The following KLHDC4 variants were observed in gnomAD, a reference collection of about 807,000 sequenced individuals.
KLHDC4 encodes kelch domain-containing protein 4.
A neutral mutation model predicts 62.4 loss-of-function variants in KLHDC4; 90 were observed. The ratio of observed to expected loss-of-function variants is 1.44; its 90% confidence interval spans 1.22 to 1.72. The LOEUF (loss-of-function observed/expected upper bound fraction) is 1.72, where lower values mean the gene tolerates loss of function less well. KLHDC4 is among the 40% of genes most tolerant of loss of function. KLHDC4 has a pLI of 0.00. For synonymous variants in KLHDC4, 386 were observed against 284.4 expected (o/e 1.36, Z -3.59); for missense variants, 1,025 against 699.7 (o/e 1.47, Z -5.25).
chr16:87,714,696 A>T, intron 7 of KLHDC4, 123 bp from the exon 8 acceptor site: 1 of 981,608 alleles, frequency 1.0e-6, no homozygotes, highest in Non-Finnish European at 1.6e-6. Context: ...GACCAGCCCC[A>T]AAGCTCCAAA....
intron 7 of KLHDC4, among the ~76,000 whole-genome samples, chr16:87,722,724 C>T (rs182312102): frequency 6.2e-4 from 94 of 152,334 alleles, no homozygotes; most frequent in African/African-American, 2.2e-3. Flanking sequence ...CATGGGGGTT[C>T]TGCATAGAGG....
intron 8 of KLHDC4, 34 bp from the exon 9 acceptor site, chr16:87,711,477 C>G (rs996030272): frequency 3.2e-6 from 5 of 1,570,008 alleles, no homozygotes; most frequent in Middle Eastern, 3.6e-4. Context: ...GGGATAAGAA[C>G]ACAAGGAAGG....
chr16:87,702,270 G>A, exon 1 of KLHDC4: 1 of 456,330 alleles, frequency 2.2e-6, no homozygotes, highest in East Asian at 7.0e-5. Context: ...TCCATAAAGG[G>A]CAGCCACTGT....
At chr16:87,706,471 C>T (rs1380344814), downstream of KLHDC4, among the ~76,000 whole-genome samples, 1 of 152,012 alleles carries the variant, frequency 6.6e-6, no homozygotes, top group African/African-American at 2.4e-5. Flanking sequence ...ACACAAGCTG[C>T]AGCCCTCGAG....
downstream of KLHDC4, among the ~76,000 whole-genome samples, chr16:87,705,072 G>A (rs537588826): frequency 1.3e-5 from 2 of 152,204 alleles, no homozygotes; most frequent in South Asian, 2.1e-4. Flanking sequence ...GGGTCTGGGG[G>A]CCGTGTGGGA....
rs148365093 is a variant in KLHDC4, at chr16:87,748,645, G to C, written c.506+28C>G. 63 of 1,613,454 alleles carry C rather than the reference G, an allele frequency of 3.9e-5. 2 individuals carry two copies. Among genetic ancestry groups the C allele is most frequent in the Middle Eastern group, 3.3e-4 (2 of 6,052 alleles). ...CACAAGCACAGAAGAGCCATGCCCG[G>C]AGCTCAGCTTCTCATCTGGCTTCTT... On this transcript the variant is annotated intron_variant, in intron 5 of 11. Coordinates refer to ENST00000270583, the MANE Select transcript of KLHDC4 (RefSeq NM_017566.4).
intron 4 of KLHDC4, among the ~76,000 whole-genome samples, chr16:87,749,772 G>A (rs1001975597): frequency 5.3e-5 from 8 of 151,956 alleles, no homozygotes; most frequent in Non-Finnish European, 1.0e-4. Context: ...CAGCAATGGC[G>A]TCTACGCTGT....
chr16:87,763,944 G>C (rs1326371135), intron 1 of KLHDC4, among the ~76,000 whole-genome samples: 1 of 152,208 alleles, frequency 6.6e-6, no homozygotes, highest in African/African-American at 2.4e-5. Flanking sequence ...TGCCATGTTT[G>C]AGACACTAAA....
chr16:87,702,132 T>C (rs2142877611), exon 1 of KLHDC4: 1 of 455,902 alleles, frequency 2.2e-6, no homozygotes, highest in Non-Finnish European at 4.4e-6. Context: ...TGATCGTGTG[T>C]GGAACAGACC....
intron 5 of KLHDC4, among the ~76,000 whole-genome samples, chr16:87,734,196 T>A (rs2040880989): frequency 6.8e-6 from 1 of 147,846 alleles, no homozygotes; most frequent in South Asian, 2.2e-4. Flanking sequence ...AATACAGTAA[T>A]TAGCTTGGCG....
exon 1 of KLHDC4, chr16:87,701,382 C>A: frequency 3.1e-6 from 1 of 322,926 alleles, no homozygotes; most frequent in Admixed American, 3.9e-5. Flanking sequence ...TCCCAAGCTT[C>A]AGCCCACCCA....
chr16:87,736,807 T>C (rs184349278), intron 5 of KLHDC4, among the ~76,000 whole-genome samples: 336 of 152,280 alleles, frequency 2.2e-3, no homozygotes, highest in Non-Finnish European at 3.1e-3. Flanking sequence ...GTGGTGCAGA[T>C]ATTACCTTTA....
At chr16:87,728,732 G>A (rs1041459208) in intron 6 of KLHDC4, among the ~76,000 whole-genome samples, 2 of 152,054 alleles carry the variant, frequency 1.3e-5, no homozygotes, top group Non-Finnish European at 2.9e-5. Context: ...TATAATCACA[G>A]CACTTTGGGA....
chr16:87,756,824 C>G lies in KLHDC4; in HGVS notation c.192-347G>C, dbSNP rs1161691627. Among the ~76,000 whole-genome samples the G allele has an allele frequency of 2.0e-5, 3 of 149,140 alleles. No individual in the cohort carries two copies. The East Asian group carries it at 5.9e-4, about 29-fold the overall frequency. ...ACTGTTTTTTTGATTTGTTTTTTTT[C>G]ATTTTTGAGATGGAGTTTCCCTCTT... is the stretch of plus-strand genomic sequence containing the variant. On this transcript the variant is annotated intron_variant, in intron 2 of 11. Transcript: ENST00000270583.
At chr16:87,765,489 T>G (rs1597458333) in intron 1 of KLHDC4, 4 of 486,608 alleles carry the variant, frequency 8.2e-6, no homozygotes, top group African/African-American at 4.1e-5. Context: ...AGAGGGAGGG[T>G]GGAGGGAGAA....
At chr16:87,759,283 A>G (rs1269597274) in intron 2 of KLHDC4, among the ~76,000 whole-genome samples, 2 of 151,866 alleles carry the variant, frequency 1.3e-5, no homozygotes, top group Non-Finnish European at 2.9e-5. Flanking sequence ...ACCTGTAATC[A>G]CAGCATTTTG....
At chr16:87,724,126 CT>C (rs1227862752) in intron 7 of KLHDC4, among the ~76,000 whole-genome samples, 1 of 152,218 alleles carries the variant, frequency 6.6e-6, no homozygotes, top group Non-Finnish European at 1.5e-5. Context: ...GCGTGAGCCA[CT>C]GTGCTCGGCC....
intron 1 of KLHDC4, among the ~76,000 whole-genome samples, chr16:87,762,551 A>G (rs1464419856): frequency 6.6e-6 from 1 of 152,148 alleles, no homozygotes; most frequent in African/African-American, 2.4e-5. Context: ...TCTCTTGCTT[A>G]TTTGTTTCCT....
At chr16:87,730,392 G>T (rs926566497) in intron 6 of KLHDC4, among the ~76,000 whole-genome samples, 160 bp downstream of exon 6, 3 of 152,260 alleles carry the variant, frequency 2.0e-5, no homozygotes, top group Non-Finnish European at 4.4e-5. Flanking sequence ...CCGGTGTGAG[G>T]CCCTTTGGAG....
Sources: gnomAD v4.1 joint callset for allele counts (sites outside exome capture counted in the v4.1 genomes callset) on GRCh38, gnomAD v4.1.1 for gene constraint, MANE v1.5 for transcripts, NCBI Gene and HGNC (gene_info 2026-07-23, HGNC 2026-07-21) for gene names.